Variants in PID1 observed in about 807,000 individuals in gnomAD.
PID1 encodes the protein PTB-containing, cubilin and LRP1-interacting protein.
In PID1, 10 loss-of-function variants were observed where a neutral mutation model predicts 19.1. The ratio of observed to expected loss-of-function variants is 0.52; its 90% CI spans 0.32 to 0.89. The LOEUF (loss-of-function observed/expected upper bound fraction) is 0.89. PID1 is among the 40% of genes least tolerant of loss of function. The pLI is 0.03. For synonymous variants in PID1, 130 were observed against 116.0 expected (o/e 1.12, Z -0.78); for missense variants, 248 against 285.3 (o/e 0.87, Z 0.94).
chr2:229,213,805 G>A (rs985256010), intron 1 of PID1, among the ~76,000 whole-genome samples: 4 of 152,120 alleles, frequency 2.6e-5, no homozygotes, highest in Non-Finnish European at 4.4e-5. Context: ...ACAATATGTT[G>A]TCTTCATTTA....
chr2:229,109,973 T>G (rs1448778841), intron 2 of PID1, among the ~76,000 whole-genome samples: 1 of 152,142 alleles, frequency 6.6e-6, no homozygotes, highest in Non-Finnish European at 1.5e-5. Flanking sequence ...AATTAGTTAC[T>G]CAGTAATTGG....
chr2:229,068,890 T>C (rs1266283236), intron 2 of PID1, among the ~76,000 whole-genome samples: 1 of 152,174 alleles, frequency 6.6e-6, no homozygotes, highest in Non-Finnish European at 1.5e-5. Context: ...GACCAATCAC[T>C]GACCACTGGG....
chr2:229,215,358 AG>A (rs1224617674), intron 1 of PID1, among the ~76,000 whole-genome samples: 1 of 152,236 alleles, frequency 6.6e-6, no homozygotes, highest in East Asian at 1.9e-4. Context: ...TGATTGTGAA[AG>A]CACATTGCAT....
chr2:229,036,800 C>T lies in PID1; in HGVS notation c.178-10692G>A, dbSNP rs139411093. Among the ~76,000 whole-genome samples, 46 of 152,268 alleles carry T rather than the reference C, an allele frequency of 3.0e-4. No individual in the cohort carries two copies. In the East Asian group the frequency reaches 8.3e-3, roughly 27 times the overall value. On this transcript the variant is annotated intron_variant, in intron 2 of 2. Transcript: ENST00000392055. ...AAACCCGAAAATGGATCTAGCTGTC[C>T]CATGGCTAGACTGGGATGAAGCCTA... is the stretch of plus-strand genomic sequence containing the variant.
chr2:229,214,617 T>C (rs1448980284), intron 1 of PID1, among the ~76,000 whole-genome samples: 3 of 152,202 alleles, frequency 2.0e-5, no homozygotes, highest in African/African-American at 7.2e-5. Flanking sequence ...ACTAACTATC[T>C]ACCTGTTCAC....
chr2:229,079,223 T>C (rs1694623326), intron 2 of PID1, among the ~76,000 whole-genome samples: 1 of 152,156 alleles, frequency 6.6e-6, no homozygotes, highest in African/African-American at 2.4e-5. Context: ...GGCCAGGAAA[T>C]TGTATTTTAA....
At chr2:229,199,062 T>C (rs1001760988) in intron 1 of PID1, among the ~76,000 whole-genome samples, 7 of 152,026 alleles carry the variant, frequency 4.6e-5, no homozygotes, top group African/African-American at 1.7e-4. Context: ...TTCCTCACAA[T>C]GTTCTAGATA....
intron 2 of PID1, among the ~76,000 whole-genome samples, chr2:229,061,906 T>C (rs1281751748): frequency 6.6e-6 from 1 of 152,002 alleles, no homozygotes; most frequent in Non-Finnish European, 1.5e-5. Flanking sequence ...AGCTCACTAT[T>C]AAAGAAACAC....
At chr2:229,070,238 G>T (rs754306170) in intron 2 of PID1, among the ~76,000 whole-genome samples, 26 of 152,240 alleles carry the variant, frequency 1.7e-4, no homozygotes, top group Non-Finnish European at 2.8e-4. Flanking sequence ...TTATATGAAG[G>T]GGGAGGCATT....
At position 229,026,112 on chromosome 2, in the gene PID1, C is replaced by A. The variant is rs780668620; in HGVS notation, c.178-4G>T. The A allele has an allele frequency of 6.2e-7, 1 of 1,604,518 alleles. No homozygotes were observed. The highest frequency in any genetic ancestry group is 1.1e-5 in the South Asian group (1 of 90,766). On this transcript the variant is annotated splice_region_variant and splice_polypyrimidine_tract_variant and intron_variant, in intron 2 of 2. Transcript: ENST00000392055. Reference sequence around the variant, plus strand: ...AGACTTTGCCCAGGTAGGTAACCTGCAGATGCAAGAGAGGAAGAAAAGGGA... The same window carrying A: ...AGACTTTGCCCAGGTAGGTAACCTGAAGATGCAAGAGAGGAAGAAAAGGGA...
chr2:229,257,967 C>T (rs1021023654), intron 1 of PID1, among the ~76,000 whole-genome samples: 3 of 152,308 alleles, frequency 2.0e-5, no homozygotes, highest in East Asian at 3.9e-4. Flanking sequence ...TTGCTCTTTG[C>T]TTTCTGTCAC....
At chr2:229,257,160 A>T (rs1416364797) in intron 1 of PID1, among the ~76,000 whole-genome samples, 1 of 152,158 alleles carries the variant, frequency 6.6e-6, no homozygotes, top group Non-Finnish European at 1.5e-5. Context: ...TGTTTTTCCA[A>T]CTGAGTCAGA....
intron 1 of PID1, among the ~76,000 whole-genome samples, chr2:229,234,516 C>T (rs1187337276): frequency 2.6e-5 from 4 of 152,214 alleles, no homozygotes; most frequent in Non-Finnish European, 5.9e-5. Flanking sequence ...CCAGAAGTAA[C>T]TCAGCCCTAA....
At chr2:229,177,087 C>T (rs1190854945) in intron 1 of PID1, among the ~76,000 whole-genome samples, 3 of 152,112 alleles carry the variant, frequency 2.0e-5, no homozygotes, top group African/African-American at 4.8e-5. Context: ...AAGGGAAATT[C>T]CCCTTTAGAA....
At chr2:229,191,171 G>A (rs2106231445) in intron 1 of PID1, among the ~76,000 whole-genome samples, 1 of 152,210 alleles carries the variant, frequency 6.6e-6, no homozygotes, top group South Asian at 2.1e-4. Flanking sequence ...CAGCATCCTT[G>A]GCCATTACCC....
At chr2:229,263,656 T>G (rs1047018928) in intron 1 of PID1, among the ~76,000 whole-genome samples, 4 of 152,198 alleles carry the variant, frequency 2.6e-5, no homozygotes, top group Non-Finnish European at 5.9e-5. Flanking sequence ...GCAAAAGTTA[T>G]CTGTAGTCTC....
At chr2:229,155,585 A>G (rs1690352010) in intron 2 of PID1, among the ~76,000 whole-genome samples, 1 of 152,034 alleles carries the variant, frequency 6.6e-6, no homozygotes. Context: ...AAAAAAACAA[A>G]AACAAAAAAA....
At chr2:229,186,306 G>C (rs1691129927) in intron 1 of PID1, among the ~76,000 whole-genome samples, 1 of 152,184 alleles carries the variant, frequency 6.6e-6, no homozygotes, top group South Asian at 2.1e-4. Context: ...CAAGCTGTCG[G>C]TGGATCTACC....
chr2:229,205,084 T>G (rs1691580918), intron 1 of PID1, among the ~76,000 whole-genome samples: 1 of 152,096 alleles, frequency 6.6e-6, no homozygotes, highest in Admixed American at 6.5e-5. Context: ...ACTTTAAATC[T>G]CTTCTCAAGA....
Sources: allele counts gnomAD v4.1 joint callset (sites outside exome capture counted in the v4.1 genomes callset), GRCh38; gene constraint gnomAD v4.1.1; transcripts MANE v1.5; gene names NCBI Gene and HGNC (gene_info 2026-07-23, HGNC 2026-07-21).